The following SACS variants were observed in gnomAD, a reference collection of about 807,000 sequenced individuals.
SACS encodes the protein sacsin.
In SACS, 197 loss-of-function variants were observed where a neutral mutation model predicts 348.0. The observed-to-expected ratio is 0.57, with a 90% CI of 0.50 to 0.64. The LOEUF is 0.64. SACS is among the 30% of genes least tolerant of loss of function. The pLI is 0.00. For missense variants in SACS, 4,999 were observed against 5,360.8 expected, an observed-to-expected ratio of 0.93 and a Z score of 2.11; for synonymous variants, 1,985 against 1,910.6, an observed-to-expected ratio of 1.04 and a Z score of -1.02.
intron 2 of SACS, among the ~76,000 whole-genome samples, chr13:23,403,624 A>G (rs772184211): frequency 7.2e-5 from 11 of 151,866 alleles, no homozygotes; most frequent in African/African-American, 1.9e-4. Context: ...TATTATGTCT[A>G]TTTGATTCTT....
chr13:23,342,180 A>G (rs1566073051), intron 9 of SACS, among the ~76,000 whole-genome samples: 1 of 152,220 alleles, frequency 6.6e-6, no homozygotes, highest in Non-Finnish European at 1.5e-5. Flanking sequence ...TAGAAAATCT[A>G]TATATAAATC....
intron 1 of SACS, among the ~76,000 whole-genome samples, chr13:23,421,992 C>T (rs1873968615): frequency 6.6e-6 from 1 of 152,128 alleles, no homozygotes; most frequent in African/African-American, 2.4e-5. Context: ...CTGGTTTCCA[C>T]CTGGGGCCTA....
In SACS at chr13:23,340,879, A is replaced by T. The variant is rs1869142388; in HGVS notation, c.2997T>A (p.Ile999=). 5.6e-6 allele frequency: 9 copies of T among 1,610,012 alleles called. No homozygotes were observed. Among genetic ancestry groups the T allele is most frequent in the Non-Finnish European group, 7.6e-6 (9 of 1,176,862 alleles). The part of the protein sequence containing the change: ...TSCLKLVLKD[I]ENAFYSHEEV... The stretch of plus-strand genomic sequence containing the variant: ...CTTCATGTGAATAAAATGCATTTTC[A>T]ATATCTTTTAAAACAAGCTTTAAGC... Residue 999 remains isoleucine, a synonymous_variant, in exon 10 of 10, where the codon ATT becomes ATA. Coordinates refer to ENST00000382292, the MANE Select transcript of SACS (RefSeq NM_014363.6).
rs866477353 is a variant in SACS at position 23,331,015 on chromosome 13, CT to C, written c.12860del (p.Lys4287ArgfsTer21). The part of the protein sequence containing the change: ...PPLFSGRESH[K>X]TSSKHQSPKK... ...TGGGGGACTGATGTTTGGAAGAAGT[CT>C]TGTGGCTCTCTCTACCAGAGAAAAG... On this transcript the variant is annotated frameshift_variant, in exon 10 of 10. Coordinates refer to ENST00000382292, the MANE Select transcript of SACS (RefSeq NM_014363.6). LOFTEE classifies it high-confidence loss of function. 6.2e-7 allele frequency: 1 copy of C among 1,613,958 alleles called. No individual in the cohort carries two copies. Among genetic ancestry groups the C allele is most frequent in the Non-Finnish European group, 8.5e-7 (1 of 1,179,998 alleles).
intron 3 of SACS, among the ~76,000 whole-genome samples, chr13:23,373,207 T>C (rs1017580246): frequency 6.6e-6 from 1 of 152,060 alleles, no homozygotes; most frequent in African/African-American, 2.4e-5. Context: ...TCGGCAGGCA[T>C]AGAGAAAGGA....
chr13:23,410,520 T>A (rs1481703612), intron 2 of SACS, among the ~76,000 whole-genome samples: 1 of 152,222 alleles, frequency 6.6e-6, no homozygotes, highest in Non-Finnish European at 1.5e-5. Flanking sequence ...TATCTTTAGG[T>A]TACAAGATGT....
At position 23,332,388 on chromosome 13, in the gene SACS, A is replaced by C; in HGVS notation, c.11488T>G (p.Leu3830Val). ...AACTGGTGAAATGTGCCAAGTTCTA[A>C]AGGTAGCTTGTACAAATAAGGTTTA... ...DFKPYLYKLP[L>V]ELGTFHQLFK... The change falls in exon 10 of 10, where the codon TTA becomes GTA. Residue 3830 changes from leucine to valine, a missense_variant. Leu to Val is a conservative substitution (Grantham distance 32, BLOSUM62 1). Around this residue, in one of 6 missense-constraint regions of SACS, gnomAD observed 831 missense variants for 941.8 expected, o/e 0.88. Transcript: ENST00000382292. The C allele has an allele frequency of 5.0e-6, 8 of 1,614,008 alleles. No individual in the cohort carries two copies. Among genetic ancestry groups the C allele is most frequent in the Non-Finnish European group, 6.8e-6 (8 of 1,179,906 alleles).
At chr13:23,404,851 T>C (rs7335543) in intron 2 of SACS, among the ~76,000 whole-genome samples, 134,559 of 152,204 alleles carry the variant, frequency 0.88, 59,600 homozygotes, top group East Asian at 1. Flanking sequence ...ACACCTTACA[T>C]GGGATGTGAA....
intron 1 of SACS, among the ~76,000 whole-genome samples, chr13:23,425,785 C>T (rs1025014438): frequency 1.4e-4 from 21 of 152,166 alleles, no homozygotes; most frequent in South Asian, 2.1e-4. Context: ...AGCTCCACCC[C>T]GCCTGACTCC....
At position 23,433,675 on chromosome 13, in the gene SACS, C is replaced by G. The variant is rs1012008120; in HGVS notation, c.-562G>C. 1.3e-5 allele frequency: 2 copies of G among 152,320 alleles called. No individual in the cohort carries two copies. Among genetic ancestry groups the G allele is most frequent in the African/African-American group, 4.8e-5 (2 of 41,464 alleles). The allele number at this position is 152,320 out of a possible 1,614,324, so 9.4% of individuals were successfully genotyped here. A position where few individuals can be genotyped will look rare whatever the true frequency, so the allele number is the denominator to read the frequency against. ...TTTTCCTCCAGTGCCATCAGCAGTT[C>G]CCAGCGTGACTGTCCCGCAGCCGCA... On this transcript the variant is annotated 5_prime_UTR_variant, in exon 1 of 10. Coordinates refer to ENST00000382292, the MANE Select transcript of SACS (RefSeq NM_014363.6).
At chr13:23,396,813 T>G (rs1021562143) in intron 2 of SACS, among the ~76,000 whole-genome samples, 1 of 152,208 alleles carries the variant, frequency 6.6e-6, no homozygotes, top group African/African-American at 2.4e-5. Context: ...TGTTATAATA[T>G]GTCTGCTAAA....
Position 23,354,688 on chromosome 13 carries a change from C to G in SACS, c.1924G>C (p.Gly642Arg). 1 of 1,614,124 alleles carries G rather than the reference C, an allele frequency of 6.2e-7. No homozygotes were observed. The highest frequency in any genetic ancestry group is 8.5e-7 in the Non-Finnish European group (1 of 1,180,030). The change falls in exon 8 of 10, where the codon GGC (glycine) becomes CGC (arginine). Residue 642 changes from glycine to arginine, a missense_variant. By Grantham distance (125) the Gly-to-Arg change is moderately radical. This residue lies in a region of SACS where 3,156 missense variants were observed against 3,380.1 expected (regional missense o/e 0.93). Coordinates refer to ENST00000382292, the MANE Select transcript of SACS (RefSeq NM_014363.6). ...AGGTGAAGCTTTTCTTCAGCACAGC[C>G]CAGGTGTGCACACTTCCGCAGCACC... ...RQVLRKCAHL[G>R]CAEEKLHLLE...
At chr13:23,375,512 C>A in intron 2 of SACS, 1 of 1,120,348 alleles carries the variant, frequency 8.9e-7, no homozygotes, top group African/African-American at 1.6e-5. Flanking sequence ...GAGGAGGAAA[C>A]GCTAGAGGAA....
intron 1 of SACS, among the ~76,000 whole-genome samples, chr13:23,432,284 T>C (rs999749460): frequency 6.6e-6 from 1 of 152,200 alleles, no homozygotes; most frequent in Non-Finnish European, 1.5e-5. Context: ...GGAAAAGTTC[T>C]TATAAACCAA....
intron 3 of SACS, 70 bp downstream of exon 3, chr13:23,375,049 C>A: frequency 2.2e-6 from 3 of 1,354,018 alleles, no homozygotes; most frequent in Non-Finnish European, 2.8e-6. Context: ...CGTCGCCCAC[C>A]CCGGGCCCTC....
At chr13:23,380,368 G>C (rs1566094392) in intron 2 of SACS, among the ~76,000 whole-genome samples, 1 of 152,050 alleles carries the variant, frequency 6.6e-6, no homozygotes, top group Non-Finnish European at 1.5e-5. Flanking sequence ...CCTCTTCCAA[G>C]TTTATCTGTA....
intron 2 of SACS, among the ~76,000 whole-genome samples, chr13:23,403,695 G>T (rs1225502593): frequency 6.6e-6 from 1 of 151,990 alleles, no homozygotes; most frequent in Non-Finnish European, 1.5e-5. Flanking sequence ...AAAAAAACAG[G>T]TCCTGGATTC....
At position 23,339,477 on chromosome 13, in the gene SACS, T is replaced by C; in HGVS notation, c.4399A>G (p.Ile1467Val). Residue 1467 changes from isoleucine (I) to valine (V), a missense_variant, in exon 10 of 10, where the codon ATT becomes GTT. This residue lies in a region of SACS where 3,156 missense variants were observed against 3,380.1 expected (regional missense o/e 0.93). Transcript: ENST00000382292. Reference protein sequence around the residue: ...REPLTVRIKNILEEYPSVSDI... With the variant: ...REPLTVRIKNVLEEYPSVSDI... Reference sequence around the variant, plus strand: ...GACACTGAAGGGTATTCTTCCAGAATATTTTTAATTCTTACAGTAAGTGGC... The same window carrying C: ...GACACTGAAGGGTATTCTTCCAGAACATTTTTAATTCTTACAGTAAGTGGC... 1 of 1,606,194 alleles carries C rather than the reference T, an allele frequency of 6.2e-7. No homozygotes were observed. Among genetic ancestry groups the C allele is most frequent in the Non-Finnish European group, 8.5e-7 (1 of 1,176,142 alleles).
chr13:23,343,422 C>T (rs1324794624), intron 9 of SACS, among the ~76,000 whole-genome samples: 1 of 152,168 alleles, frequency 6.6e-6, no homozygotes, highest in East Asian at 1.9e-4. Flanking sequence ...CACAGTGGCT[C>T]ACATCTGTAA....
Sources: allele counts gnomAD v4.1 joint callset (sites outside exome capture counted in the v4.1 genomes callset), GRCh38; gene constraint gnomAD v4.1.1; regional missense constraint gnomAD v4.1.1; transcripts MANE v1.5; gene names NCBI Gene and HGNC (gene_info 2026-07-23, HGNC 2026-07-21).